Variants in ZKSCAN1 observed in about 807,000 individuals in gnomAD.
ZKSCAN1 encodes zinc finger protein with KRAB and SCAN domains 1.
A neutral mutation model predicts 51.6 loss-of-function variants in ZKSCAN1; 14 were observed. The observed-to-expected ratio is 0.27, with a 90% CI of 0.18 to 0.42. The LOEUF (loss-of-function observed/expected upper bound fraction) is 0.42, where lower values mean the gene tolerates loss of function less well. Ranked by LOEUF, ZKSCAN1 falls within the 10% of genes least tolerant of loss-of-function variation. ZKSCAN1 has a pLI of 1.00. For missense variants in ZKSCAN1, 531 were observed against 710.0 expected, an observed-to-expected ratio of 0.75 and a Z score of 2.86; for synonymous variants, 263 against 261.5, an observed-to-expected ratio of 1.01 and a Z score of -0.06.
intron 1 of ZKSCAN1, among the ~76,000 whole-genome samples, chr7:100,019,851 C>T (rs573138918): frequency 6.6e-6 from 1 of 152,016 alleles, no homozygotes; most frequent in Non-Finnish European, 1.5e-5. Context: ...ACAGGCATTG[C>T]ACCACCACAC....
intron 1 of ZKSCAN1, among the ~76,000 whole-genome samples, chr7:100,018,765 A>T (rs1790479501): frequency 6.6e-6 from 1 of 152,192 alleles, no homozygotes; most frequent in African/African-American, 2.4e-5. Context: ...TGCTCAGATC[A>T]TCTGGGAAAC....
chr7:100,027,169 C>G (rs1790874879), intron 3 of ZKSCAN1, among the ~76,000 whole-genome samples: 1 of 151,844 alleles, frequency 6.6e-6, no homozygotes, highest in Non-Finnish European at 1.5e-5. Context: ...TGGTGGTGTA[C>G]ACCTGTAATC....
chr7:100,033,781 A>T lies in ZKSCAN1; in HGVS notation c.1276A>T (p.Ile426Phe). 1 of 1,614,218 alleles carries T rather than the reference A, an allele frequency of 6.2e-7. No homozygotes were observed. Among genetic ancestry groups the T allele is most frequent in the Non-Finnish European group, 8.5e-7 (1 of 1,180,052 alleles). The change falls in exon 6 of 6, where the codon ATC (isoleucine) becomes TTC (phenylalanine). Residue 426 changes from isoleucine (I) to phenylalanine (F), a missense_variant. Around this residue, in one of 2 missense-constraint regions of ZKSCAN1, gnomAD observed 128 missense variants for 219.5 expected, o/e 0.58. Transcript: ENST00000324306. The surrounding 1 kb of genome is among the most constrained non-coding windows in gnomAD (Gnocchi z 4.1). ...CTCCAACCTTGTCCTGCATCAGAGG[A>T]TCCACACAGGAGAGAAACCTCATGA... is the stretch of plus-strand genomic sequence containing the variant. ...LNSNLVLHQR[I>F]HTGEKPHECN...
rs902924585 is a variant in ZKSCAN1, at chr7:100,040,375, CTT to C, written c.*6179_*6180del. The C allele has an allele frequency of 2.2e-5, 22 of 985,322 alleles. No homozygotes were observed. The Admixed American group carries it at 3.7e-4, about 17-fold the overall frequency. 61.0% of individuals were successfully genotyped at this position (985,322 alleles called of 1,614,324 possible). A position where few individuals can be genotyped will look rare whatever the true frequency, so the allele number is the denominator to read the frequency against. On this transcript the variant is annotated 3_prime_UTR_variant, in exon 6 of 6. Coordinates refer to ENST00000324306, the MANE Select transcript of ZKSCAN1 (RefSeq NM_003439.4). ...ACCTCCATTTACTAAAGAATCGTGA[CTT>C]AATTCAAATTGCACAGTAATCAGTA...
chr7:100,026,963 C>T (rs1663325048), intron 3 of ZKSCAN1, among the ~76,000 whole-genome samples: 1 of 151,538 alleles, frequency 6.6e-6, no homozygotes. Context: ...AATTCATACA[C>T]CCTCCAAGCT....
At chr7:100,016,902 T>C (rs980410404) in intron 1 of ZKSCAN1, 13 of 152,316 alleles carry the variant, frequency 8.5e-5, no homozygotes, top group Non-Finnish European at 1.6e-4. Context: ...TAGGAAACCA[T>C]GGTGATTTGC....
Position 100,041,293 on chromosome 7 carries a change from C to A in ZKSCAN1, c.*7096C>A, listed in dbSNP as rs1318969736. On this transcript the variant is annotated 3_prime_UTR_variant, in exon 6 of 6. Transcript: ENST00000324306. Reference sequence around the variant, plus strand: ...TTCATTTTACTAGGTTCCGAAGAGTCCAGATGCTTGGTAGATGTTCAATAC... The same window carrying A: ...TTCATTTTACTAGGTTCCGAAGAGTACAGATGCTTGGTAGATGTTCAATAC... The A allele has an allele frequency of 1.0e-6, 1 of 984,208 alleles. No individual in the cohort carries two copies. Among genetic ancestry groups the A allele is most frequent in the Non-Finnish European group, 1.2e-6 (1 of 829,134 alleles). The allele number at this position is 984,208 out of a possible 1,614,324, so 61.0% of individuals were successfully genotyped here.
At chr7:100,030,108 C>A in intron 4 of ZKSCAN1, 141 bp from the exon 5 acceptor site, 1 of 1,428,366 alleles carries the variant, frequency 7.0e-7, no homozygotes. Flanking sequence ...ACAAACTCCC[C>A]TCCACCCCCA....
At chr7:100,043,753 T>C (rs931894554), downstream of ZKSCAN1, among the ~76,000 whole-genome samples, 1 of 150,652 alleles carries the variant, frequency 6.6e-6, no homozygotes, top group Non-Finnish European at 1.5e-5. Flanking sequence ...GGCTTTTTTC[T>C]TTTTCTTTTC....
At chr7:100,044,387 GC>G (rs1325053150), downstream of ZKSCAN1, among the ~76,000 whole-genome samples, 1 of 152,066 alleles carries the variant, frequency 6.6e-6, no homozygotes, top group East Asian at 1.9e-4. Flanking sequence ...GTAGCACTGA[GC>G]CGGGCATGGT....
chr7:100,037,287 T>A lies in ZKSCAN1; in HGVS notation c.*3090T>A. Reference sequence around the variant, plus strand: ...TGGAAATTTTTGAAGAGTTTTTCAATATATACCCTACCCTTGCCAGGAAGA... The same window carrying A: ...TGGAAATTTTTGAAGAGTTTTTCAAAATATACCCTACCCTTGCCAGGAAGA... On this transcript the variant is annotated 3_prime_UTR_variant, in exon 6 of 6. Coordinates refer to ENST00000324306, the MANE Select transcript of ZKSCAN1 (RefSeq NM_003439.4). 1.0e-6 allele frequency: 1 copy of A among 985,438 alleles called. No individual in the cohort carries two copies. Among genetic ancestry groups the A allele is most frequent in the Non-Finnish European group, 1.2e-6 (1 of 829,926 alleles). The allele number at this position is 985,438 out of a possible 1,614,324, so 61.0% of individuals were successfully genotyped here.
downstream of ZKSCAN1, among the ~76,000 whole-genome samples, chr7:100,043,704 T>C (rs1388641427): frequency 4.0e-5 from 6 of 151,532 alleles, no homozygotes; most frequent in Non-Finnish European, 7.4e-5. Flanking sequence ...AGAACCCTGC[T>C]AAGTTTAGCA....
intron 4 of ZKSCAN1, 109 bp downstream of exon 4, chr7:100,030,061 C>G (rs1270917235): frequency 1.4e-6 from 2 of 1,423,696 alleles, no homozygotes; most frequent in East Asian, 2.3e-5. Flanking sequence ...CTCAAAGAAG[C>G]CCCAACCCTG....
chr7:100,036,424 A>G lies in ZKSCAN1; in HGVS notation c.*2227A>G. Reference sequence around the variant, plus strand: ...TTGAGCAAGGACTTTTGCCCTCTAGAAAGCAACTGAGGCCAGGTGCGGTGG... The same window carrying G: ...TTGAGCAAGGACTTTTGCCCTCTAGGAAGCAACTGAGGCCAGGTGCGGTGG... On this transcript the variant is annotated 3_prime_UTR_variant, in exon 6 of 6. Transcript: ENST00000324306. 10 of 985,478 alleles carry G rather than the reference A, an allele frequency of 1.0e-5. No homozygotes were observed. The highest frequency in any genetic ancestry group is 1.2e-5 in the Non-Finnish European group (10 of 829,952). 61.0% of individuals were successfully genotyped at this position (985,478 alleles called of 1,614,324 possible).
Position 100,037,607 on chromosome 7 carries a change from C to T in ZKSCAN1, c.*3410C>T. On this transcript the variant is annotated 3_prime_UTR_variant, in exon 6 of 6. Transcript: ENST00000324306. ...TCGGAAAGCTTATACTGTAAATAAA[C>T]TTGATGAATATTATATGTGAGGAAA... 1 of 985,420 alleles carries T rather than the reference C, an allele frequency of 1.0e-6. No individual in the cohort carries two copies. Among genetic ancestry groups the T allele is most frequent in the Non-Finnish European group, 1.2e-6 (1 of 829,934 alleles). The allele number at this position is 985,420 out of a possible 1,614,324, so 61.0% of individuals were successfully genotyped here.
At chr7:100,032,793 G>T (rs1791165170) in intron 5 of ZKSCAN1, among the ~76,000 whole-genome samples, 1 of 152,146 alleles carries the variant, frequency 6.6e-6, no homozygotes. Context: ...TGGATCACGA[G>T]GTCAGGAGAT....
rs553765134 is a variant in ZKSCAN1, at chr7:100,038,497, C to A, written c.*4300C>A. On this transcript the variant is annotated 3_prime_UTR_variant, in exon 6 of 6. Transcript: ENST00000324306. The stretch of plus-strand genomic sequence containing the variant: ...TAAACGTGCAGCCTTTTGAATTTTT[C>A]CTCAAAACCAAGAAGTTGACCTCTG... 7.2e-5 allele frequency: 71 copies of A among 985,426 alleles called. No homozygotes were observed. In the African/African-American group the frequency reaches 1.2e-3, roughly 16 times the overall value. 61.0% of individuals were successfully genotyped at this position (985,426 alleles called of 1,614,324 possible).
In ZKSCAN1 at chr7:100,038,037, G is replaced by C. The variant is rs565245914; in HGVS notation, c.*3840G>C. ...GCTCTGTATCAAAAAAAAAAGTTGC[G>C]GGGGGGTGCTCAATCTTAACTGCAG... On this transcript the variant is annotated 3_prime_UTR_variant, in exon 6 of 6. Transcript: ENST00000324306. The C allele has an allele frequency of 3.0e-6, 3 of 984,682 alleles. No individual in the cohort carries two copies. The highest frequency in any genetic ancestry group is 3.6e-6 in the Non-Finnish European group (3 of 829,610). 61.0% of individuals were successfully genotyped at this position (984,682 alleles called of 1,614,324 possible). A position where few individuals can be genotyped will look rare whatever the true frequency, so the allele number is the denominator to read the frequency against.
intron 5 of ZKSCAN1, among the ~76,000 whole-genome samples, chr7:100,031,073 C>T (rs1344213275): frequency 6.6e-6 from 1 of 152,136 alleles, no homozygotes; most frequent in Non-Finnish European, 1.5e-5. Context: ...CTTAACCCCT[C>T]AGGACAGTGC....
Sources: gnomAD v4.1 joint callset for allele counts (sites outside exome capture counted in the v4.1 genomes callset) on GRCh38, gnomAD v4.1.1 for gene constraint, gnomAD v4.1.1 regional missense constraint, Gnocchi (gnomAD v3.1) non-coding constraint, MANE v1.5 for transcripts, NCBI Gene and HGNC (gene_info 2026-07-23, HGNC 2026-07-21) for gene names.